The following STAU2 variants were observed in gnomAD, a reference collection of about 807,000 sequenced individuals.
STAU2 encodes the protein staufen double-stranded RNA binding protein 2, also known as double-stranded RNA-binding protein Staufen homolog 2.
In STAU2, 20 loss-of-function variants were observed where a neutral mutation model predicts 65.9. The ratio of observed to expected loss-of-function variants is 0.30; its 90% CI spans 0.21 to 0.44. STAU2 has a LOEUF of 0.44. Among genes scored for constraint, STAU2 ranks in the 20% least tolerant of loss-of-function variants. STAU2 has a pLI of 1.00. For synonymous variants in STAU2, 232 were observed against 233.9 expected (o/e 0.99, Z 0.07); for missense variants, 558 against 683.9 (o/e 0.82, Z 2.05).
intron 5 of STAU2, among the ~76,000 whole-genome samples, chr8:73,688,149 C>T (rs1280182657): frequency 6.6e-6 from 1 of 151,056 alleles, no homozygotes; most frequent in African/African-American, 2.4e-5. Flanking sequence ...AAAACAATTA[C>T]AATTACTTTC....
At chr8:73,613,391 T>C (rs1014450706) in intron 9 of STAU2, among the ~76,000 whole-genome samples, 20 of 152,210 alleles carry the variant, frequency 1.3e-4, no homozygotes, top group African/African-American at 4.8e-4. Flanking sequence ...GCAAACTCTT[T>C]GAACACGTTT....
chr8:73,543,726 T>C (rs1481041498), intron 13 of STAU2, among the ~76,000 whole-genome samples: 1 of 152,226 alleles, frequency 6.6e-6, no homozygotes, highest in Non-Finnish European at 1.5e-5. Context: ...ACCTGGTCCA[T>C]GGCAGGTGCT....
intron 6 of STAU2, among the ~76,000 whole-genome samples, chr8:73,634,378 A>C (rs759720859): frequency 6.6e-6 from 1 of 152,136 alleles, no homozygotes; most frequent in Non-Finnish European, 1.5e-5. Context: ...AAATACAAAA[A>C]TTAGCTGGGT....
At chr8:73,675,283 C>T (rs534620119) in intron 5 of STAU2, among the ~76,000 whole-genome samples, 141 of 151,634 alleles carry the variant, frequency 9.3e-4, no homozygotes, top group Non-Finnish European at 1.7e-3. Flanking sequence ...CTCTGGGATA[C>T]AGAAAAAGTG....
At chr8:73,733,044 T>G (rs1166846392) in intron 3 of STAU2, 1 of 151,978 alleles carries the variant, frequency 6.6e-6, no homozygotes, top group Admixed American at 6.6e-5. Context: ...AAAACTTTTT[T>G]TTTTTTTTTA....
intron 13 of STAU2, among the ~76,000 whole-genome samples, chr8:73,518,327 A>G (rs890489887): frequency 6.6e-6 from 1 of 152,268 alleles, no homozygotes; most frequent in African/African-American, 2.4e-5. Context: ...TATTTGATAC[A>G]AAATTCAGAA....
At chr8:73,655,174 C>T (rs1816259310) in intron 6 of STAU2, among the ~76,000 whole-genome samples, 1 of 152,174 alleles carries the variant, frequency 6.6e-6, no homozygotes, top group Non-Finnish European at 1.5e-5. Context: ...CATATTCTTG[C>T]ATATTTCTTC....
chr8:73,681,673 T>C (rs1455967159), intron 5 of STAU2, among the ~76,000 whole-genome samples: 2 of 152,092 alleles, frequency 1.3e-5, no homozygotes, highest in Non-Finnish European at 2.9e-5. Flanking sequence ...ACTTAAAAGA[T>C]ACAGAATGGC....
chr8:73,532,740 C>A (rs1330278760), intron 13 of STAU2, among the ~76,000 whole-genome samples: 2 of 152,220 alleles, frequency 1.3e-5, no homozygotes, highest in Non-Finnish European at 2.9e-5. Context: ...ATCTACATAA[C>A]AAGAACCTTG....
At chr8:73,531,365 T>G (rs1164517640) in intron 13 of STAU2, among the ~76,000 whole-genome samples, 2 of 151,862 alleles carry the variant, frequency 1.3e-5, no homozygotes, top group Non-Finnish European at 1.5e-5. Context: ...AGGAAGGGGG[T>G]GACTGGAGAA....
chr8:73,552,212 T>C lies in STAU2; in HGVS notation c.1330A>G (p.Met444Val). The C allele has an allele frequency of 2.5e-6, 4 of 1,614,038 alleles. No homozygotes were observed. The highest frequency in any genetic ancestry group is 3.4e-6 in the Non-Finnish European group (4 of 1,179,894). ...AAGAAAGAGCTTGAAGGTTGGTTCATATCTTTGGGTGACAAATAGCCTAGA... is the reference window on the plus strand; with the variant it reads ...AAGAAAGAGCTTGAAGGTTGGTTCACATCTTTGGGTGACAAATAGCCTAGA... ...TTLGYLSPKD[M>V]NQPSSSFFSI... Residue 444 changes from methionine to valine, a missense_variant, in exon 13 of 15, where the codon ATG (methionine) becomes GTG (valine). Met to Val is a conservative substitution (Grantham distance 21). Coordinates refer to ENST00000524300, the MANE Select transcript of STAU2 (RefSeq NM_001164380.2).
intron 6 of STAU2, among the ~76,000 whole-genome samples, chr8:73,647,881 C>T (rs977733954): frequency 2.0e-5 from 3 of 152,262 alleles, no homozygotes; most frequent in Non-Finnish European, 2.9e-5. Flanking sequence ...CATGCCTGGC[C>T]GAGTTCTGCA....
At chr8:73,639,418 C>G (rs28588475) in intron 6 of STAU2, among the ~76,000 whole-genome samples, 41,810 of 151,748 alleles carry the variant, frequency 0.28, 6,214 homozygotes, top group East Asian at 0.45. Flanking sequence ...ATTACCAAAA[C>G]ATCTGGGAGA....
Position 73,673,206 on chromosome 8 carries a change from G to A in STAU2, c.311C>T (p.Ala104Val). The change falls in exon 6 of 15, where the codon GCT becomes GTT. Residue 104 changes from alanine (A) to valine (V), a missense_variant. Ala to Val is a moderately conservative substitution (Grantham distance 64). Around this residue, in one of 3 missense-constraint regions of STAU2, gnomAD observed 199 missense variants for 299.5 expected, o/e 0.66. Coordinates refer to ENST00000524300, the MANE Select transcript of STAU2 (RefSeq NM_001164380.2). ...ITPTVELNGLAMKRGEPAIYR... is the reference protein window; with the variant it reads ...ITPTVELNGLVMKRGEPAIYR... ...GATGGCAGGCTCTCCCCTTTTCATA[G>A]CAAGCCCATTCAGTTCCACAGTTGG... is the stretch of plus-strand genomic sequence containing the variant. The A allele has an allele frequency of 1.2e-6, 2 of 1,603,816 alleles. No individual in the cohort carries two copies. The highest frequency in any genetic ancestry group is 1.7e-6 in the Non-Finnish European group (2 of 1,174,550).
intron 13 of STAU2, among the ~76,000 whole-genome samples, chr8:73,534,027 T>TA (rs371824726): frequency 2.0e-5 from 3 of 152,350 alleles, no homozygotes; most frequent in Middle Eastern, 3.4e-3. Context: ...AAAAAAGACC[T>TA]ATGTTTAAAG....
intron 12 of STAU2, among the ~76,000 whole-genome samples, chr8:73,580,107 G>A (rs188032920): frequency 3.7e-4 from 56 of 151,446 alleles, no homozygotes; most frequent in African/African-American, 5.6e-4. Context: ...AGCTAATTTC[G>A]TATTATTTAT....
At chr8:73,556,453 G>A (rs1807771065) in intron 12 of STAU2, among the ~76,000 whole-genome samples, 1 of 152,012 alleles carries the variant, frequency 6.6e-6, no homozygotes, top group Non-Finnish European at 1.5e-5. Flanking sequence ...TTTGGTATTG[G>A]AAATTACTAT....
intron 13 of STAU2, among the ~76,000 whole-genome samples, chr8:73,527,045 C>G (rs1805497884): frequency 6.6e-6 from 1 of 152,142 alleles, no homozygotes; most frequent in African/African-American, 2.4e-5. Context: ...GTTACAATAC[C>G]ATATTTTTAC....
chr8:73,613,684 C>T (rs1223304974), intron 9 of STAU2, 60 bp downstream of exon 9: 3 of 1,331,642 alleles, frequency 2.3e-6, no homozygotes, highest in African/African-American at 1.5e-5. Context: ...AAATGCTTAT[C>T]TATAGCTACT....
Sources: allele counts gnomAD v4.1 joint callset (sites outside exome capture counted in the v4.1 genomes callset), GRCh38; gene constraint gnomAD v4.1.1; regional missense constraint gnomAD v4.1.1; transcripts MANE v1.5; gene names NCBI Gene and HGNC (gene_info 2026-07-23, HGNC 2026-07-21).